Variants in SPMIP2 observed in about 807,000 individuals in gnomAD.
SPMIP2 encodes sperm microtubule inner protein 2, also known as protein SPMIP2.
At chr4:158,940,487 G>A in the SPMIP2 span, among the ~76,000 whole-genome samples, 1 of 150,718 alleles carries the variant, frequency 6.6e-6, no homozygotes, top group African/African-American at 2.4e-5. Context: ...GGCAGCCCTG[G>A]ATTTTCAGTC....
the SPMIP2 span, among the ~76,000 whole-genome samples, chr4:159,014,369 C>T: frequency 6.6e-6 from 1 of 152,234 alleles, no homozygotes; most frequent in African/African-American, 2.4e-5. Context: ...AGGAGAATCG[C>T]TTGAACCCAG....
At chr4:158,946,996 AC>A in the SPMIP2 span, among the ~76,000 whole-genome samples, 1 of 152,144 alleles carries the variant, frequency 6.6e-6, no homozygotes, top group Non-Finnish European at 1.5e-5. Flanking sequence ...TGTCCTGACT[AC>A]GGCAGCAGCT....
the SPMIP2 span, among the ~76,000 whole-genome samples, chr4:158,987,225 A>G: frequency 0.63 from 93,448 of 148,716 alleles, 29,730 homozygotes; most frequent in Middle Eastern, 0.71. Flanking sequence ...TCAGTGTGGC[A>G]ATTCCTCAGG....
At chr4:158,999,265 T>G in the SPMIP2 span, among the ~76,000 whole-genome samples, 39 of 152,264 alleles carry the variant, frequency 2.6e-4, no homozygotes, top group African/African-American at 7.9e-4. Context: ...ACTTTAAATG[T>G]AGGCATTGAT....
chr4:159,032,263 T>C, the SPMIP2 span, among the ~76,000 whole-genome samples: 1 of 152,194 alleles, frequency 6.6e-6, no homozygotes, highest in Non-Finnish European at 1.5e-5. Context: ...ACATTGTTCA[T>C]AGTATATACA....
At chr4:159,055,424 C>T in the SPMIP2 span, among the ~76,000 whole-genome samples, 428 of 152,188 alleles carry the variant, frequency 2.8e-3, no homozygotes, top group African/African-American at 9.4e-3. Context: ...AAAAACAGGC[C>T]GGGTGCAGTG....
the SPMIP2 span, among the ~76,000 whole-genome samples, chr4:158,997,678 G>A: frequency 6.6e-6 from 1 of 152,008 alleles, no homozygotes. Context: ...TTAGAGACAG[G>A]GTCTCACTCT....
the SPMIP2 span, chr4:158,904,610 A>G: frequency 7.4e-7 from 1 of 1,345,766 alleles, no homozygotes; most frequent in Non-Finnish European, 1.1e-6. Context: ...GGAGAAAGGA[A>G]TAAGCTCTCT....
At chr4:159,047,008 A>C in the SPMIP2 span, among the ~76,000 whole-genome samples, 1 of 152,216 alleles carries the variant, frequency 6.6e-6, no homozygotes, top group Admixed American at 6.5e-5. Flanking sequence ...GTTGGAAGTT[A>C]TCCAGACTTT....
chr4:158,942,995 G>T, the SPMIP2 span, among the ~76,000 whole-genome samples: 11 of 152,158 alleles, frequency 7.2e-5, no homozygotes, highest in African/African-American at 2.2e-4. Flanking sequence ...AAAAACATTA[G>T]TGATGCTGTT....
chr4:158,895,874 T>C, the SPMIP2 span: 20 of 1,586,404 alleles, frequency 1.3e-5, no homozygotes, highest in Admixed American at 3.4e-4. Flanking sequence ...GGGTGAGTTC[T>C]GTGAAGTGCC....
chr4:159,054,130 T>C, the SPMIP2 span, among the ~76,000 whole-genome samples: 29 of 152,120 alleles, frequency 1.9e-4, no homozygotes, highest in African/African-American at 7.0e-4. Flanking sequence ...TACAGGTGCA[T>C]GCCATTACAC....
At chr4:159,023,429 C>T in the SPMIP2 span, among the ~76,000 whole-genome samples, 2 of 152,214 alleles carry the variant, frequency 1.3e-5, no homozygotes, top group Admixed American at 1.3e-4. Context: ...GGATTTCTCC[C>T]TCATAATCAC....
chr4:158,952,612 C>G, the SPMIP2 span, among the ~76,000 whole-genome samples: 1 of 152,140 alleles, frequency 6.6e-6, no homozygotes, highest in Non-Finnish European at 1.5e-5. Flanking sequence ...AATGTGGAAG[C>G]AACTTCGAAA....
the SPMIP2 span, among the ~76,000 whole-genome samples, chr4:159,061,000 A>G: frequency 6.6e-6 from 1 of 151,510 alleles, no homozygotes. Context: ...TGGGAGGATC[A>G]CCTGAGTTCA....
the SPMIP2 span, among the ~76,000 whole-genome samples, chr4:158,928,745 G>A: frequency 2.0e-5 from 3 of 152,106 alleles, no homozygotes; most frequent in Non-Finnish European, 2.9e-5. Context: ...TTGGGTCCAC[G>A]CTGCTTTTAT....
chr4:158,981,605 T>C, the SPMIP2 span, among the ~76,000 whole-genome samples: 3 of 152,102 alleles, frequency 2.0e-5, no homozygotes, highest in African/African-American at 7.2e-5. Flanking sequence ...CTAGCCAAAC[T>C]AAGCTTTGTA....
At chr4:158,950,923 G>T in the SPMIP2 span, among the ~76,000 whole-genome samples, 2 of 152,050 alleles carry the variant, frequency 1.3e-5, no homozygotes, top group African/African-American at 4.8e-5. Flanking sequence ...GAGGCTGAAG[G>T]GAGGGTCTGT....
chr4:158,974,373 T>C, the SPMIP2 span, among the ~76,000 whole-genome samples: 2 of 152,138 alleles, frequency 1.3e-5, no homozygotes, highest in Non-Finnish European at 2.9e-5. Context: ...ATTTGTTACA[T>C]AGGTATACAT....
Sources: gnomAD v4.1 joint callset for allele counts (sites outside exome capture counted in the v4.1 genomes callset) on GRCh38, gnomAD v4.1.1 for gene constraint, MANE v1.5 for transcripts, NCBI Gene and HGNC (gene_info 2026-07-23, HGNC 2026-07-21) for gene names.